Variants in UBR3 observed in about 807,000 individuals in gnomAD.
UBR3 encodes E3 ubiquitin-protein ligase UBR3.
In UBR3, 85 loss-of-function variants were observed where a neutral mutation model predicts 243.2. That is an observed-to-expected ratio of 0.35 (90% CI 0.29 to 0.42). UBR3 has a LOEUF of 0.42. Among genes scored for constraint, UBR3 ranks in the 10% least tolerant of loss-of-function variants. UBR3 has a pLI of 1.00. For missense variants in UBR3, 1,686 were observed against 2,300.8 expected (o/e 0.73, Z 5.47); for synonymous variants, 748 against 799.8 (o/e 0.94, Z 1.09).
intron 8 of UBR3, among the ~76,000 whole-genome samples, chr2:169,902,012 A>G (rs1559076043): frequency 6.6e-6 from 1 of 152,178 alleles, no homozygotes; most frequent in Non-Finnish European, 1.5e-5. Context: ...GCGAAGACTC[A>G]TTATTGCTCC....
chr2:170,077,286 A>G, intron 36 of UBR3: 1 of 750,530 alleles, frequency 1.3e-6, no homozygotes, highest in Non-Finnish European at 2.5e-6. Flanking sequence ...ACCACAGCCT[A>G]TTTTCCCCAA....
At chr2:169,927,841 GTCT>G in intron 17 of UBR3, among the ~76,000 whole-genome samples, 1 of 152,172 alleles carries the variant, frequency 6.6e-6, no homozygotes, top group East Asian at 1.9e-4. Context: ...GTAGAATTTG[GTCT>G]TAAAGGATTT....
rs1437304174 is a variant in UBR3 at position 170,035,916 on chromosome 2, G to GGGC, written c.4557-4964_4557-4963insCGG. ...TTATACCTAAGTATTTTATTGGGGG[G>GGGC]GGGGTTGCTAATTTAAATGATGCTG... On this transcript the variant is annotated intron_variant, in intron 31 of 38. Coordinates refer to ENST00000272793, the MANE Select transcript of UBR3 (RefSeq NM_172070.4). Among the ~76,000 whole-genome samples the GGGC allele has an allele frequency of 2.2e-5, 3 of 137,430 alleles. No individual in the cohort carries two copies. In the East Asian group the frequency reaches 6.9e-4, roughly 32 times the overall value. 90.2% of individuals were successfully genotyped at this position (137,430 alleles called of 152,430 possible).
intron 30 of UBR3, among the ~76,000 whole-genome samples, chr2:170,025,945 T>C (rs1460855437): frequency 6.6e-6 from 1 of 152,100 alleles, no homozygotes; most frequent in African/African-American, 2.4e-5. Context: ...ATCAGGTTAG[T>C]CTGGGTGTAT....
chr2:170,030,140 C>T (rs6743544), intron 31 of UBR3, among the ~76,000 whole-genome samples: 7,863 of 152,026 alleles, frequency 0.052, 386 homozygotes, highest in African/African-American at 0.13. Flanking sequence ...CTTTTTGATA[C>T]AAATTGTTCC....
chr2:169,943,707 A>G (rs999437446), intron 20 of UBR3, among the ~76,000 whole-genome samples: 10 of 152,210 alleles, frequency 6.6e-5, no homozygotes, highest in Non-Finnish European at 7.3e-5. Flanking sequence ...AAGAAAACCT[A>G]TTGTTCTTCT....
chr2:170,080,232 G>T, intron 37 of UBR3: 1 of 595,652 alleles, frequency 1.7e-6, no homozygotes, highest in Non-Finnish European at 2.8e-6. Context: ...TACAATTCTA[G>T]TTCTCCTTTC....
chr2:170,078,002 C>T (rs1202031149), intron 36 of UBR3: 3 of 664,504 alleles, frequency 4.5e-6, no homozygotes, highest in East Asian at 3.1e-5. Flanking sequence ...CTGGGAAGTA[C>T]GTTAGCTTGA....
chr2:170,080,780 T>C, intron 38 of UBR3, 96 bp downstream of exon 38: 1 of 1,322,376 alleles, frequency 7.6e-7, no homozygotes, highest in East Asian at 2.4e-5. Flanking sequence ...ATTTTTTTAA[T>C]ATTAAGAAAT....
intron 32 of UBR3, among the ~76,000 whole-genome samples, chr2:170,054,933 C>A (rs2091300725): frequency 6.6e-6 from 1 of 152,136 alleles, no homozygotes; most frequent in Admixed American, 6.5e-5. Context: ...CTGAGTACTT[C>A]TCATTTATAT....
intron 24 of UBR3, 64 bp from the exon 25 acceptor site, chr2:169,986,581 A>ATTTCT (rs773788349): frequency 1.9e-5 from 29 of 1,494,240 alleles, no homozygotes; most frequent in Non-Finnish European, 2.4e-5. Context: ...TTTTTCTCTC[A>ATTTCT]CACTTTCATT....
rs546726696 is a variant in UBR3 at position 169,837,203 on chromosome 2, C to T, written c.545+9151C>T. ...GCTATAAAGAACTGCCTGAACGGGCCCGGAGGCTCACGCCTGTAATCCCAG... is the reference window on the plus strand; with the variant it reads ...GCTATAAAGAACTGCCTGAACGGGCTCGGAGGCTCACGCCTGTAATCCCAG... On this transcript the variant is annotated intron_variant, in intron 1 of 38. Coordinates refer to ENST00000272793, the MANE Select transcript of UBR3 (RefSeq NM_172070.4). Among the ~76,000 whole-genome samples, 7 of 152,270 alleles carry T rather than the reference C, an allele frequency of 4.6e-5. 1 individual carries two copies. The South Asian group carries it at 1.2e-3, about 27-fold the overall frequency.
chr2:169,966,571 G>A (rs2087818596), intron 24 of UBR3, among the ~76,000 whole-genome samples: 1 of 152,116 alleles, frequency 6.6e-6, no homozygotes, highest in African/African-American at 2.4e-5. Flanking sequence ...ATTAAAGTCT[G>A]TACTTCTTTG....
intron 13 of UBR3, among the ~76,000 whole-genome samples, chr2:169,925,130 A>C (rs568920528): frequency 6.6e-6 from 1 of 152,376 alleles, no homozygotes; most frequent in African/African-American, 2.4e-5. Context: ...CATTTATTCT[A>C]ACCTCCAATA....
At chr2:169,860,092 G>A (rs968994459) in intron 1 of UBR3, among the ~76,000 whole-genome samples, 3 of 151,986 alleles carry the variant, frequency 2.0e-5, no homozygotes, top group Non-Finnish European at 4.4e-5. Context: ...TTTCATTCCT[G>A]TCCTTTCTCT....
intron 19 of UBR3, among the ~76,000 whole-genome samples, chr2:169,935,284 C>A (rs886929563): frequency 6.6e-6 from 1 of 152,076 alleles, no homozygotes; most frequent in Non-Finnish European, 1.5e-5. Flanking sequence ...TCCCATCTTA[C>A]CCCCCTGAGT....
chr2:169,998,633 G>A (rs1426859034), intron 26 of UBR3, among the ~76,000 whole-genome samples: 1 of 152,192 alleles, frequency 6.6e-6, no homozygotes, highest in Admixed American at 6.5e-5. Flanking sequence ...GGACCAGACT[G>A]TATAGAGCAG....
intron 1 of UBR3, among the ~76,000 whole-genome samples, chr2:169,866,248 CTG>C (rs1436256683): frequency 7.5e-5 from 6 of 79,936 alleles, no homozygotes; most frequent in African/African-American, 1.0e-4. Flanking sequence ...CAGAGTGAGA[CTG>C]TGTCTCAAAA....
At chr2:169,836,067 ATTTTTTTTTTTT>A (rs60845808) in intron 1 of UBR3, among the ~76,000 whole-genome samples, 22 of 32,662 alleles carry the variant, frequency 6.7e-4, no homozygotes, top group South Asian at 3.5e-3. Flanking sequence ...ATATATATAT[ATTTTTTTTTTTT>A]TTTTTTTTTT....
Sources: allele counts gnomAD v4.1 joint callset (sites outside exome capture counted in the v4.1 genomes callset), GRCh38; gene constraint gnomAD v4.1.1; transcripts MANE v1.5; gene names NCBI Gene and HGNC (gene_info 2026-07-23, HGNC 2026-07-21).